Variants in SOX5 observed in about 807,000 individuals in gnomAD.
SOX5 encodes SRY-box transcription factor 5.
SOX5 carries 9 observed loss-of-function variants against 92.0 expected under a neutral mutation model. That is an observed-to-expected ratio of 0.10 (90% CI 0.06 to 0.17). SOX5 has a LOEUF of 0.17. SOX5 is among the 10% of genes least tolerant of loss of function. The pLI is 1.00. For synonymous variants in SOX5, 344 were observed against 336.3 expected (o/e 1.02, Z -0.25); for missense variants, 642 against 944.5 (o/e 0.68, Z 4.20).
chr12:23,783,559 T>C (rs1277307565), intron 3 of SOX5, among the ~76,000 whole-genome samples: 1 of 152,186 alleles, frequency 6.6e-6, no homozygotes, highest in Non-Finnish European at 1.5e-5. Flanking sequence ...GAATTCAATA[T>C]GAAAAACTCT....
intron 4 of SOX5, among the ~76,000 whole-genome samples, chr12:24,173,800 G>A (rs573780629): frequency 6.6e-6 from 1 of 152,198 alleles, no homozygotes; most frequent in East Asian, 1.9e-4. Context: ...AAATTCTGAT[G>A]TTCAGTCATA....
At chr12:24,329,103 C>G (rs1368473929) in intron 2 of SOX5, among the ~76,000 whole-genome samples, 1 of 151,968 alleles carries the variant, frequency 6.6e-6, no homozygotes, top group African/African-American at 2.4e-5. Context: ...TAAAATGCTA[C>G]CAAGGTTTAT....
chr12:23,770,946 C>T (rs1474037656), intron 3 of SOX5, among the ~76,000 whole-genome samples: 1 of 152,040 alleles, frequency 6.6e-6, no homozygotes, highest in Non-Finnish European at 1.5e-5. Context: ...CATGCTATAT[C>T]TTTCTGTCAC....
intron 3 of SOX5, among the ~76,000 whole-genome samples, chr12:24,254,532 A>G (rs1428773791): frequency 6.6e-6 from 1 of 152,046 alleles, no homozygotes. Context: ...CTTTCATAAT[A>G]AAGTGCTGAA....
At chr12:24,194,871 T>G (rs949316774) in intron 4 of SOX5, among the ~76,000 whole-genome samples, 1 of 152,132 alleles carries the variant, frequency 6.6e-6, no homozygotes, top group Non-Finnish European at 1.5e-5. Flanking sequence ...AACCTTATGC[T>G]CAACCCAGAA....
chr12:24,320,370 A>C (rs1276838527), intron 2 of SOX5, among the ~76,000 whole-genome samples: 1 of 152,150 alleles, frequency 6.6e-6, no homozygotes, highest in African/African-American at 2.4e-5. Context: ...TGATAACTTC[A>C]TCTCACTATT....
chr12:23,630,874 TTAATC>T (rs2078442804), intron 8 of SOX5, among the ~76,000 whole-genome samples: 1 of 152,028 alleles, frequency 6.6e-6, no homozygotes, highest in Admixed American at 6.6e-5. Context: ...TCTTAAAAGA[TTAATC>T]TAAAGACAAT....
intron 3 of SOX5, among the ~76,000 whole-genome samples, chr12:24,216,483 C>G (rs573869035): frequency 6.6e-6 from 1 of 150,686 alleles, no homozygotes. Flanking sequence ...GACTCCGCCT[C>G]GGAAAAAAAA....
chr12:24,265,738 C>T (rs1413134542), intron 3 of SOX5, among the ~76,000 whole-genome samples: 1 of 152,126 alleles, frequency 6.6e-6, no homozygotes, highest in Non-Finnish European at 1.5e-5. Context: ...TTAGTGTTAT[C>T]TATACACTCT....
At chr12:23,605,980 A>C (rs2075208470) in intron 8 of SOX5, among the ~76,000 whole-genome samples, 1 of 152,034 alleles carries the variant, frequency 6.6e-6, no homozygotes, top group East Asian at 1.9e-4. Flanking sequence ...AGCCAACTGG[A>C]AAGAATAAAA....
chr12:24,322,545 C>T (rs1281797823), intron 2 of SOX5, among the ~76,000 whole-genome samples: 1 of 152,114 alleles, frequency 6.6e-6, no homozygotes, highest in East Asian at 1.9e-4. Flanking sequence ...ATTGCTCTTA[C>T]AGGCTGACCT....
At chr12:24,459,102 C>T (rs1286097574) in intron 1 of SOX5, among the ~76,000 whole-genome samples, 1 of 152,176 alleles carries the variant, frequency 6.6e-6, no homozygotes, top group Non-Finnish European at 1.5e-5. Context: ...TCCGTTCCCC[C>T]TCTCCCTAAT....
At chr12:24,308,584 C>T (rs1232313394) in intron 2 of SOX5, among the ~76,000 whole-genome samples, 1 of 152,206 alleles carries the variant, frequency 6.6e-6, no homozygotes, top group Non-Finnish European at 1.5e-5. Context: ...TACCACGTGA[C>T]TTGGATAACA....
intron 4 of SOX5, among the ~76,000 whole-genome samples, chr12:24,131,785 A>G (rs1465002680): frequency 6.6e-6 from 1 of 152,174 alleles, no homozygotes; most frequent in Non-Finnish European, 1.5e-5. Flanking sequence ...AAAGAGAGGG[A>G]GAAAAGAGGG....
intron 4 of SOX5, among the ~76,000 whole-genome samples, chr12:24,126,225 T>C (rs1047100126): frequency 1.3e-5 from 2 of 152,210 alleles, no homozygotes; most frequent in South Asian, 2.1e-4. Context: ...TCCATGCCAA[T>C]GCCTTCCAAA....
At chr12:24,061,935 A>T (rs1333057239) in intron 4 of SOX5, among the ~76,000 whole-genome samples, 1 of 152,168 alleles carries the variant, frequency 6.6e-6, no homozygotes, top group Non-Finnish European at 1.5e-5. Flanking sequence ...GGTTTCAAAT[A>T]ATTGTGTCTG....
At chr12:24,034,434 G>C (rs1031165764) in intron 4 of SOX5, among the ~76,000 whole-genome samples, 1 of 151,908 alleles carries the variant, frequency 6.6e-6, no homozygotes, top group Non-Finnish European at 1.5e-5. Context: ...AATTAGTTCC[G>C]ACTGCCGTGC....
intron 4 of SOX5, among the ~76,000 whole-genome samples, chr12:23,753,963 C>A (rs2094277241): frequency 1.3e-5 from 2 of 151,788 alleles, no homozygotes; most frequent in African/African-American, 2.4e-5. Flanking sequence ...GAAGAAAGAC[C>A]TACAGTTGCT....
chr12:23,729,722 C>T (rs957322444), intron 6 of SOX5, among the ~76,000 whole-genome samples: 3 of 152,052 alleles, frequency 2.0e-5, no homozygotes, highest in Admixed American at 2.0e-4. Context: ...AACACTGATG[C>T]CCTGGTATGG....
Sources: gnomAD v4.1 joint callset for allele counts (sites outside exome capture counted in the v4.1 genomes callset) on GRCh38, gnomAD v4.1.1 for gene constraint, MANE v1.5 for transcripts, NCBI Gene and HGNC (gene_info 2026-07-23, HGNC 2026-07-21) for gene names.